Variants in GNG12 observed in about 807,000 individuals in gnomAD.
GNG12 encodes G protein subunit gamma 12.
For synonymous variants in GNG12, 28 were observed against 29.7 expected (o/e 0.94, Z 0.19); for missense variants, 69 against 83.8 (o/e 0.82, Z 0.69).
intron 2 of GNG12, among the ~76,000 whole-genome samples, chr1:67,716,223 TGAG>T (rs1304899329): frequency 1.3e-5 from 2 of 152,242 alleles, no homozygotes; most frequent in East Asian, 3.9e-4. Context: ...TGAGAAAGAA[TGAG>T]AACACCTCTC....
Position 67,754,506 on chromosome 1 carries a change from C to T in GNG12, c.-27+22952G>A, listed in dbSNP as rs528563027. On this transcript the variant is annotated intron_variant, in intron 2 of 3. Coordinates refer to ENST00000370982, the MANE Select transcript of GNG12 (RefSeq NM_018841.6). ...TATATTTTTACCCCACTGCCCCACC[C>T]TAGTTGGGAGTATAAGCAGCTGGCC... is the stretch of plus-strand genomic sequence containing the variant. Among the ~76,000 whole-genome samples the T allele has an allele frequency of 3.3e-5, 5 of 152,310 alleles. No individual in the cohort carries two copies. The South Asian group carries it at 1.0e-3, about 32-fold the overall frequency.
chr1:67,711,654 GAT>G (rs1646296624), intron 2 of GNG12, among the ~76,000 whole-genome samples: 1 of 152,132 alleles, frequency 6.6e-6, no homozygotes, highest in Middle Eastern at 3.2e-3. Context: ...CAGTTGATAA[GAT>G]TTCTGGGAGA....
chr1:67,814,494 G>C (rs536909017), intron 1 of GNG12, among the ~76,000 whole-genome samples: 3 of 152,178 alleles, frequency 2.0e-5, no homozygotes, highest in Non-Finnish European at 4.4e-5. Flanking sequence ...GCTGGGAACT[G>C]ACAATTCCAG....
chr1:67,714,162 C>A (rs571547), intron 2 of GNG12, among the ~76,000 whole-genome samples: 104,554 of 152,098 alleles, frequency 0.69, 35,980 homozygotes, highest in Admixed American at 0.71. Flanking sequence ...GAGAGATTTC[C>A]TTTTAAAAGG....
At chr1:67,804,351 C>T (rs1387250393) in intron 1 of GNG12, among the ~76,000 whole-genome samples, 2 of 152,110 alleles carry the variant, frequency 1.3e-5, no homozygotes, top group African/African-American at 4.8e-5. Context: ...CAACTTCGTG[C>T]CATTAGAAAC....
intron 3 of GNG12, among the ~76,000 whole-genome samples, chr1:67,706,889 A>C (rs1310658709): frequency 6.6e-6 from 1 of 151,892 alleles, no homozygotes; most frequent in Non-Finnish European, 1.5e-5. Flanking sequence ...CGAATTCCCA[A>C]CCTCAGGTGA....
intron 1 of GNG12, among the ~76,000 whole-genome samples, chr1:67,833,075 G>C (rs1647059765): frequency 1.3e-5 from 2 of 151,080 alleles, no homozygotes; most frequent in South Asian, 4.2e-4. Flanking sequence ...TCGAGGGCGC[G>C]CGCGCCGTTT....
At chr1:67,713,008 C>A (rs1490715660) in intron 2 of GNG12, among the ~76,000 whole-genome samples, 2 of 152,172 alleles carry the variant, frequency 1.3e-5, no homozygotes, top group East Asian at 3.9e-4. Context: ...GGATTACAGG[C>A]ATGAGCCACC....
chr1:67,771,927 A>G (rs1186295491), intron 2 of GNG12, among the ~76,000 whole-genome samples: 1 of 152,248 alleles, frequency 6.6e-6, no homozygotes, highest in Admixed American at 6.5e-5. Context: ...AATTTAATGC[A>G]ACATGCTCAG....
chr1:67,803,344 T>A (rs1160750970), intron 1 of GNG12, among the ~76,000 whole-genome samples: 1 of 151,988 alleles, frequency 6.6e-6, no homozygotes, highest in Non-Finnish European at 1.5e-5. Flanking sequence ...TGAGACCTCA[T>A]CTCTATAAAT....
At chr1:67,754,110 C>T (rs577072823) in intron 2 of GNG12, among the ~76,000 whole-genome samples, 10 of 152,230 alleles carry the variant, frequency 6.6e-5, no homozygotes, top group African/African-American at 2.2e-4. Flanking sequence ...CCCACCTCTG[C>T]GCATGTTATT....
chr1:67,716,001 C>T (rs186792057), intron 2 of GNG12, among the ~76,000 whole-genome samples: 8 of 152,284 alleles, frequency 5.3e-5, no homozygotes, highest in Admixed American at 3.9e-4. Flanking sequence ...GGTGCTTGAA[C>T]CTGCGGTCAG....
chr1:67,784,145 G>A (rs1646753748), intron 1 of GNG12, among the ~76,000 whole-genome samples: 1 of 150,926 alleles, frequency 6.6e-6, no homozygotes, highest in Non-Finnish European at 1.5e-5. Context: ...CATAAAAAAT[G>A]AAGAGTTCAT....
intron 2 of GNG12, among the ~76,000 whole-genome samples, chr1:67,731,089 C>T (rs1385497034): frequency 6.6e-6 from 1 of 152,202 alleles, no homozygotes; most frequent in African/African-American, 2.4e-5. Context: ...AACTCTGTGA[C>T]TTATTCCTAT....
intron 1 of GNG12, among the ~76,000 whole-genome samples, chr1:67,798,968 A>AAATG (rs1031878648): frequency 9.2e-5 from 14 of 151,812 alleles, no homozygotes; most frequent in Non-Finnish European, 2.1e-4. Flanking sequence ...AAATATAAAT[A>AAATG]AATAAATAAA....
chr1:67,829,631 T>C (rs1429214946), intron 1 of GNG12, among the ~76,000 whole-genome samples: 1 of 152,230 alleles, frequency 6.6e-6, no homozygotes, highest in Non-Finnish European at 1.5e-5. Context: ...GATTAGCTCA[T>C]TTATTCCTCA....
At chr1:67,759,186 A>C (rs1420422869) in intron 2 of GNG12, among the ~76,000 whole-genome samples, 1 of 152,210 alleles carries the variant, frequency 6.6e-6, no homozygotes, top group East Asian at 1.9e-4. Flanking sequence ...ATGTTTTAAG[A>C]AGTTAGGGGT....
chr1:67,760,079 T>C (rs1024047552), intron 2 of GNG12, among the ~76,000 whole-genome samples: 1 of 152,240 alleles, frequency 6.6e-6, no homozygotes. Context: ...ATACCAGAAG[T>C]AGCCCTCATA....
chr1:67,794,327 A>C (rs533435833), intron 1 of GNG12, among the ~76,000 whole-genome samples: 30 of 152,172 alleles, frequency 2.0e-4, no homozygotes, highest in Middle Eastern at 6.8e-3. Context: ...TGCTCACTCC[A>C]ATGAGGCCTG....
Sources: allele counts gnomAD v4.1 joint callset (sites outside exome capture counted in the v4.1 genomes callset), GRCh38; gene constraint gnomAD v4.1.1; transcripts MANE v1.5; gene names NCBI Gene and HGNC (gene_info 2026-07-23, HGNC 2026-07-21).